Variants in DOCK8 observed in about 807,000 individuals in gnomAD.
DOCK8 encodes the protein dedicator of cytokinesis protein 8.
Under a neutral mutation model 245.6 loss-of-function variants are expected in DOCK8, and 141 were observed. The observed-to-expected ratio is 0.57, with a 90% confidence interval of 0.50 to 0.66. DOCK8 has a LOEUF of 0.66. DOCK8 is among the 30% of genes least tolerant of loss of function. The pLI is 0.00. For synonymous variants in DOCK8, 1,168 were observed against 970.2 expected, an observed-to-expected ratio of 1.20 and a Z score of -3.79; for missense variants, 2,965 against 2,603.4, an observed-to-expected ratio of 1.14 and a Z score of -3.02.
intron 15 of DOCK8, chr9:368,593 C>T (rs938455312): frequency 1.9e-5 from 5 of 267,456 alleles, no homozygotes; most frequent in Non-Finnish European, 3.6e-5. Flanking sequence ...TAATTATAAA[C>T]ACACACCACC....
intron 43 of DOCK8, among the ~76,000 whole-genome samples, chr9:445,598 C>T (rs947787788): frequency 6.6e-6 from 1 of 152,244 alleles, no homozygotes; most frequent in Non-Finnish European, 1.5e-5. Flanking sequence ...AGATCCACCA[C>T]TCCAAAATAC....
chr9:284,815 A>G (rs1248124382), intron 2 of DOCK8, among the ~76,000 whole-genome samples: 1 of 152,220 alleles, frequency 6.6e-6, no homozygotes, highest in Non-Finnish European at 1.5e-5. Context: ...ACTGGAGGCT[A>G]TTATCCTTTG....
At chr9:370,102 C>A in intron 15 of DOCK8, 128 bp from the exon 16 acceptor site, 1 of 829,900 alleles carries the variant, frequency 1.2e-6, no homozygotes, top group Non-Finnish European at 2.0e-6. Context: ...TGCTCCTGGC[C>A]AACCCAGCAC....
Position 273,112 on chromosome 9 carries a change from T to C in DOCK8, c.156+1383T>C, listed in dbSNP as rs150314778. On this transcript the variant is annotated intron_variant, in intron 2 of 47. Transcript: ENST00000432829. ...TGAATCTTTCAAAGGTATGTTTTAC[T>C]GGAGTGATTTCTGGTTATTTCAGAA... is the stretch of plus-strand genomic sequence containing the variant. 7.3e-4 allele frequency: 715 copies of C among 985,308 alleles called. 4 individuals are homozygous for C. The African/African-American group carries it at 0.011, about 16-fold the overall frequency. The allele number at this position is 985,308 out of a possible 1,614,324, so 61.0% of individuals were successfully genotyped here.
rs1437919478 is a variant in DOCK8, at chr9:434,075, A to G, written c.4886+100A>G. On this transcript the variant is annotated intron_variant, in intron 38 of 47. Transcript: ENST00000432829. ...TAATGATCACAGCTAACATGGATAT[A>G]GTGATTTGGATGATAGCCAAATAAT... is the stretch of plus-strand genomic sequence containing the variant. 1.3e-5 allele frequency: 11 copies of G among 867,172 alleles called. No individual in the cohort carries two copies. The Admixed American group carries it at 2.0e-4, about 16-fold the overall frequency. 53.7% of individuals were successfully genotyped at this position (867,172 alleles called of 1,614,324 possible).
At chr9:230,597 C>G (rs1260438719) in intron 1 of DOCK8, among the ~76,000 whole-genome samples, 3 of 152,050 alleles carry the variant, frequency 2.0e-5, no homozygotes, top group African/African-American at 7.3e-5. Context: ...GCCATTCTAA[C>G]TGGTGTGAGA....
chr9:239,547 T>C (rs370518534), intron 1 of DOCK8, among the ~76,000 whole-genome samples: 1 of 152,216 alleles, frequency 6.6e-6, no homozygotes, highest in African/African-American at 2.4e-5. Context: ...TCCTGAAGAA[T>C]AGCAACTGTA....
At chr9:232,255 C>T (rs1050746506) in intron 1 of DOCK8, among the ~76,000 whole-genome samples, 5 of 152,152 alleles carry the variant, frequency 3.3e-5, no homozygotes. Flanking sequence ...CCCACTTGAT[C>T]ATGGTGGATA....
intron 7 of DOCK8, among the ~76,000 whole-genome samples, chr9:319,662 G>T (rs1457306420): frequency 2.0e-5 from 3 of 152,100 alleles, no homozygotes; most frequent in Non-Finnish European, 4.4e-5. Flanking sequence ...TTTAGCCCCT[G>T]AGGAATTTGT....
chr9:311,041 T>G (rs1011498574), intron 5 of DOCK8, among the ~76,000 whole-genome samples: 30 of 152,146 alleles, frequency 2.0e-4, no homozygotes, highest in Non-Finnish European at 3.7e-4. Context: ...ATCCTAGCAC[T>G]TTGGGAGGTT....
chr9:359,803 CAAAA>C (rs67236172), intron 14 of DOCK8, among the ~76,000 whole-genome samples: 25,771 of 108,634 alleles, frequency 0.24, 1,859 homozygotes, highest in Middle Eastern at 0.34. Flanking sequence ...TCTGTCTTTG[CAAAA>C]AAAAAAAAAA....
chr9:324,793 C>T (rs770839328), intron 7 of DOCK8, among the ~76,000 whole-genome samples: 2 of 152,138 alleles, frequency 1.3e-5, no homozygotes, highest in Non-Finnish European at 2.9e-5. Context: ...AAGCCCCATT[C>T]CTTAGAATTG....
intron 1 of DOCK8, among the ~76,000 whole-genome samples, chr9:248,476 C>T (rs1398589598): frequency 1.3e-5 from 2 of 150,878 alleles, no homozygotes; most frequent in Admixed American, 6.6e-5. Context: ...CTCCCTCCCT[C>T]CTCTCTCCTC....
At chr9:354,396 T>A (rs1398254853) in intron 14 of DOCK8, among the ~76,000 whole-genome samples, 1 of 152,118 alleles carries the variant, frequency 6.6e-6, no homozygotes, top group East Asian at 1.9e-4. Flanking sequence ...GTAAAACCAT[T>A]TTTTTTGAAG....
chr9:225,368 G>A (rs1314144863), intron 1 of DOCK8, among the ~76,000 whole-genome samples: 1 of 152,140 alleles, frequency 6.6e-6, no homozygotes, highest in African/African-American at 2.4e-5. Context: ...CAAACCTGGT[G>A]GGAAGAATAG....
chr9:324,074 A>T (rs1205841246), intron 7 of DOCK8, among the ~76,000 whole-genome samples: 2 of 152,272 alleles, frequency 1.3e-5, no homozygotes, highest in African/African-American at 4.8e-5. Context: ...GCAGATAAAT[A>T]AATGGAATTC....
At chr9:289,607 G>C in intron 4 of DOCK8, 26 bp downstream of exon 4, 2 of 1,574,606 alleles carry the variant, frequency 1.3e-6, no homozygotes, top group South Asian at 2.3e-5. Flanking sequence ...TCCACTTTTT[G>C]TATATAAATA....
chr9:214,698 C>CGGG, upstream of DOCK8: 2 of 1,565,896 alleles, frequency 1.3e-6, no homozygotes, highest in Non-Finnish European at 8.7e-7. Flanking sequence ...GCCGTCTGCC[C>CGGG]CAGTATCGGG....
intron 4 of DOCK8, among the ~76,000 whole-genome samples, chr9:301,849 TACAA>T (rs2049558779): frequency 6.6e-6 from 1 of 152,152 alleles, no homozygotes; most frequent in African/African-American, 2.4e-5. Flanking sequence ...TCAGAGGTGA[TACAA>T]ACAAATGGAC....
Sources: gnomAD v4.1 joint callset for allele counts (sites outside exome capture counted in the v4.1 genomes callset) on GRCh38, gnomAD v4.1.1 for gene constraint, MANE v1.5 for transcripts, NCBI Gene and HGNC (gene_info 2026-07-23, HGNC 2026-07-21) for gene names.